Variants in SOAT1 observed in about 807,000 individuals in gnomAD.
SOAT1 encodes acyl-coenzyme A:cholesterol acyltransferase 1.
Under a neutral mutation model 69.5 loss-of-function variants are expected in SOAT1, and 55 were observed. That is an observed-to-expected ratio of 0.79 (90% confidence interval 0.64 to 0.99). SOAT1 has a LOEUF of 0.99. SOAT1 is among the 50% of genes least tolerant of loss of function. The probability of loss-of-function intolerance (pLI) is 0.00; values close to 1 mark genes in which losing one functional copy is unlikely to be tolerated. For synonymous variants in SOAT1, 231 were observed against 224.7 expected (o/e 1.03, Z -0.25); for missense variants, 580 against 669.3 (o/e 0.87, Z 1.47).
intron 1 of SOAT1, among the ~76,000 whole-genome samples, chr1:179,299,114 C>T (rs923346393): frequency 1.3e-5 from 2 of 152,122 alleles, no homozygotes; most frequent in African/African-American, 4.8e-5. Flanking sequence ...ACAGGATGCT[C>T]AGTGTAGTGG....
rs995707680 is a variant in SOAT1 at position 179,355,079 on chromosome 1, A to C, written c.*1438A>C. The C allele has an allele frequency of 6.6e-6, 1 of 152,208 alleles. No homozygotes were observed. The highest frequency in any genetic ancestry group is 1.5e-5 in the Non-Finnish European group (1 of 68,038). The allele number at this position is 152,208 out of a possible 1,614,324, so 9.4% of individuals were successfully genotyped here. On this transcript the variant is annotated 3_prime_UTR_variant, in exon 16 of 16. Transcript: ENST00000367619. ...AGCTTAATCACGTATCTTACTCACG[A>C]TACCACTGGTCCAGATGAGTTTAGG...
At chr1:179,300,601 C>T (rs2124932208) in intron 1 of SOAT1, among the ~76,000 whole-genome samples, 1 of 152,240 alleles carries the variant, frequency 6.6e-6, no homozygotes, top group Non-Finnish European at 1.5e-5. Context: ...GAAAAACAAC[C>T]AAACCCACCA....
At chr1:179,302,415 C>T (rs963160873) in intron 1 of SOAT1, among the ~76,000 whole-genome samples, 2 of 152,094 alleles carry the variant, frequency 1.3e-5, no homozygotes, top group Non-Finnish European at 2.9e-5. Flanking sequence ...CCATGCTGTT[C>T]TCGTGATAGT....
chr1:179,331,400 A>G (rs557320939), intron 3 of SOAT1, among the ~76,000 whole-genome samples: 2 of 152,318 alleles, frequency 1.3e-5, no homozygotes, highest in South Asian at 4.1e-4. Context: ...CACTATATGC[A>G]AAATGCATGA....
At chr1:179,348,084 G>A (rs1410216676) in intron 12 of SOAT1, among the ~76,000 whole-genome samples, 2 of 152,182 alleles carry the variant, frequency 1.3e-5, no homozygotes, top group Non-Finnish European at 2.9e-5. Flanking sequence ...AGACAATTGA[G>A]CAGTTCATGA....
At chr1:179,315,900 G>A (rs1001181741) in intron 2 of SOAT1, among the ~76,000 whole-genome samples, 4 of 152,164 alleles carry the variant, frequency 2.6e-5, no homozygotes, top group Non-Finnish European at 4.4e-5. Flanking sequence ...TTATGAAATA[G>A]TTCATTTATG....
chr1:179,350,367 T>C lies in SOAT1; in HGVS notation c.1386T>C (p.Tyr462=). 6.2e-7 allele frequency: 1 copy of C among 1,614,108 alleles called. No individual in the cohort carries two copies. Among genetic ancestry groups the C allele is most frequent in the South Asian group, 1.1e-5 (1 of 91,084 alleles). The part of the protein sequence containing the change: ...VFAVSAVVHE[Y]ALAVCLSFFY... ...CTGTATCTGCTGTAGTACACGAATA[T>C]GCCTTGGCTGTTTGCTTGAGCTTTT... is the stretch of plus-strand genomic sequence containing the variant. The change falls in exon 14 of 16, where the codon TAT becomes TAC. Residue 462 remains tyrosine (Y), a synonymous_variant. Coordinates refer to ENST00000367619, the MANE Select transcript of SOAT1 (RefSeq NM_003101.6).
At chr1:179,332,024 A>G (rs1230934133) in intron 3 of SOAT1, among the ~76,000 whole-genome samples, 4 of 152,162 alleles carry the variant, frequency 2.6e-5, no homozygotes, top group Admixed American at 2.0e-4. Flanking sequence ...AGACACTGAA[A>G]ATATTATTAT....
chr1:179,310,175 C>T (rs1170204499), intron 2 of SOAT1, among the ~76,000 whole-genome samples: 17 of 151,378 alleles, frequency 1.1e-4, no homozygotes, highest in Non-Finnish European at 2.5e-4. Flanking sequence ...GCTGGGATTA[C>T]AGGCATGAGC....
intron 2 of SOAT1, among the ~76,000 whole-genome samples, chr1:179,321,722 C>T (rs1665612358): frequency 6.6e-6 from 1 of 152,076 alleles, no homozygotes; most frequent in Non-Finnish European, 1.5e-5. Context: ...GATCTATATT[C>T]CCATTTACTA....
intron 2 of SOAT1, among the ~76,000 whole-genome samples, chr1:179,316,271 G>GTTAA (rs1375285756): frequency 6.6e-6 from 1 of 151,656 alleles, no homozygotes; most frequent in Non-Finnish European, 1.5e-5. Flanking sequence ...TTCCATTGAT[G>GTTAA]TTAAGTCAGG....
At chr1:179,317,152 C>A (rs1665422303) in intron 2 of SOAT1, among the ~76,000 whole-genome samples, 1 of 152,054 alleles carries the variant, frequency 6.6e-6, no homozygotes, top group South Asian at 2.1e-4. Flanking sequence ...TGTATTTTTT[C>A]TGGGAAATTA....
In SOAT1 at chr1:179,315,377, T is replaced by A. The variant is rs1444927110; in HGVS notation, c.119-8060T>A. On this transcript the variant is annotated intron_variant, in intron 2 of 15. Coordinates refer to ENST00000367619, the MANE Select transcript of SOAT1 (RefSeq NM_003101.6). The stretch of plus-strand genomic sequence containing the variant: ...TACTTGGGAGGCTGAGGCGGGAGGA[T>A]CCCTTGAGCCTAGGAGTTCCAGGCC... Among the ~76,000 whole-genome samples the A allele has an allele frequency of 5.3e-5, 8 of 151,660 alleles. No homozygotes were observed. In the East Asian group the frequency reaches 1.5e-3, roughly 29 times the overall value.
chr1:179,335,538 C>T lies in SOAT1; in HGVS notation c.210C>T (p.Gly70=). 6.2e-7 allele frequency: 1 copy of T among 1,611,032 alleles called. No homozygotes were observed. The change falls in exon 4 of 16, where the codon GGC becomes GGT. Residue 70 remains glycine, a synonymous_variant. Transcript: ENST00000367619. ...ELKPFFMKEV[G]SHFDDFVTNL... ...AGCCATTTTTTATGAAGGAAGTTGG[C>T]AGTCACTTTGATGATTTTGTGACCA...
At chr1:179,330,384 T>C (rs1665930939) in intron 3 of SOAT1, among the ~76,000 whole-genome samples, 1 of 152,122 alleles carries the variant, frequency 6.6e-6, no homozygotes, top group African/African-American at 2.4e-5. Flanking sequence ...ATAATAGTGA[T>C]GTTCTCCATA....
intron 3 of SOAT1, among the ~76,000 whole-genome samples, chr1:179,330,114 C>T (rs910514750): frequency 2.6e-5 from 4 of 152,238 alleles, no homozygotes; most frequent in Admixed American, 6.5e-5. Flanking sequence ...AGTGGAAGGA[C>T]AGGAGTTTAT....
chr1:179,346,455 G>T (rs956711968), intron 11 of SOAT1, among the ~76,000 whole-genome samples: 3 of 152,130 alleles, frequency 2.0e-5, no homozygotes, highest in African/African-American at 7.2e-5. Context: ...TTAATATTGG[G>T]TATTGAAAAA....
intron 2 of SOAT1, among the ~76,000 whole-genome samples, chr1:179,310,601 C>T (rs114012641): frequency 6.6e-6 from 1 of 152,236 alleles, no homozygotes; most frequent in South Asian, 2.1e-4. Context: ...AAGTGATTGA[C>T]TCTTTCAAGA....
intron 3 of SOAT1, among the ~76,000 whole-genome samples, chr1:179,327,140 G>GT (rs1392902727): frequency 6.6e-6 from 1 of 152,078 alleles, no homozygotes; most frequent in Non-Finnish European, 1.5e-5. Context: ...TTTTTTAGTT[G>GT]TTGCTTAGCC....
Sources: allele counts gnomAD v4.1 joint callset (sites outside exome capture counted in the v4.1 genomes callset), GRCh38; gene constraint gnomAD v4.1.1; transcripts MANE v1.5; gene names NCBI Gene and HGNC (gene_info 2026-07-23, HGNC 2026-07-21).